The following LGALS1 variants were observed in gnomAD, a reference collection of about 807,000 sequenced individuals.
The protein encoded by LGALS1 is galectin-1.
Under a neutral mutation model 14.4 loss-of-function variants are expected in LGALS1, and 14 were observed. That is an observed-to-expected ratio of 0.97 (90% CI 0.64 to 1.52). The LOEUF (loss-of-function observed/expected upper bound fraction) is 1.52, where lower values mean the gene tolerates loss of function less well. Among genes scored for constraint, LGALS1 ranks in the 40% most tolerant of loss-of-function variants. The pLI is 0.00. For missense variants in LGALS1, 170 were observed against 181.4 expected, an observed-to-expected ratio of 0.94 and a Z score of 0.36; for synonymous variants, 71 against 73.4, an observed-to-expected ratio of 0.97 and a Z score of 0.17.
At position 37,678,566 on chromosome 22, in the gene LGALS1, C is replaced by A; in HGVS notation, c.173C>A (p.Thr58Asn). ...PRFNAHGDAN[T>N]IVCNSKDGGA... The stretch of plus-strand genomic sequence containing the variant: ...TTCAACGCCCACGGCGACGCCAACA[C>A]CATCGTGTGCAACAGCAAGGACGGC... The change falls in exon 3 of 4, where the codon ACC becomes AAC. Residue 58 changes from threonine to asparagine, a missense_variant. Transcript: ENST00000215909. The A allele has an allele frequency of 6.2e-7, 1 of 1,613,612 alleles. No homozygotes were observed. Among genetic ancestry groups the A allele is most frequent in the South Asian group, 1.1e-5 (1 of 91,088 alleles).
At chr22:37,678,241 T>G (rs1921505577) in intron 2 of LGALS1, 2 of 644,558 alleles carry the variant, frequency 3.1e-6, no homozygotes, top group Non-Finnish European at 2.9e-6. Context: ...CCAAACGGGC[T>G]AGGATGCTAA....
At chr22:37,678,294 G>A in intron 2 of LGALS1, 189 bp from the exon 3 acceptor site, 1 of 721,458 alleles carries the variant, frequency 1.4e-6, no homozygotes. Context: ...AGCCCCCATT[G>A]TACAGATGAG....
chr22:37,678,432 G>A, intron 2 of LGALS1, 51 bp from the exon 3 acceptor site: 2 of 1,604,406 alleles, frequency 1.2e-6, no homozygotes, highest in South Asian at 1.1e-5. Context: ...TAGTCGGTCA[G>A]TGGGGCTGGA....
At position 37,675,645 on chromosome 22, in the gene LGALS1, G is replaced by A. The variant is rs540407638; in HGVS notation, c.-58G>A. 3 of 1,545,140 alleles carry A rather than the reference G, an allele frequency of 1.9e-6. No homozygotes were observed. Among genetic ancestry groups the A allele is most frequent in the South Asian group, 1.2e-5 (1 of 83,648 alleles). On this transcript the variant is annotated 5_prime_UTR_variant, in exon 1 of 4. Transcript: ENST00000215909. ...GAGCGTCCGGGGGCCCATCTCTCTC[G>A]GGTGGAGTCTTCTGACAGCTGGTGC...
chr22:37,678,665 G>GACCGGA lies in LGALS1; in HGVS notation c.261+17_261+22dup. On this transcript the variant is annotated intron_variant, in intron 3 of 3. Transcript: ENST00000215909. ...GGAAGTGTTGCAGAGGTGGGCTGCA[G>GACCGGA]ACCGGAACCGGGGACCAGGGACAGG... 1 of 1,001,640 alleles carries GACCGGA rather than the reference G, an allele frequency of 1.0e-6. No individual in the cohort carries two copies. The highest frequency in any genetic ancestry group is 1.4e-6 in the Non-Finnish European group (1 of 710,022). The allele number at this position is 1,001,640 out of a possible 1,614,324, so 62.0% of individuals were successfully genotyped here.
chr22:37,677,176 A>G (rs1286776645), intron 2 of LGALS1, 111 bp downstream of exon 2: 1 of 1,058,092 alleles, frequency 9.5e-7, no homozygotes, highest in Non-Finnish European at 1.4e-6. Flanking sequence ...GTTAACGGCC[A>G]GCCGCCGATG....
chr22:37,677,318 T>G, intron 2 of LGALS1: 1 of 481,882 alleles, frequency 2.1e-6, no homozygotes, highest in Non-Finnish European at 3.8e-6. Context: ...TGTAATACCT[T>G]GACTCCCCCG....
At chr22:37,675,870 G>A (rs1343952801) in intron 1 of LGALS1, among the ~76,000 whole-genome samples, 159 bp downstream of exon 1, 1 of 152,342 alleles carries the variant, frequency 6.6e-6, no homozygotes, top group Middle Eastern at 3.4e-3. Context: ...CTGTAAAATG[G>A]GGGTGGGCGC....
intron 3 of LGALS1, among the ~76,000 whole-genome samples, chr22:37,679,211 C>T (rs1921547763): frequency 6.6e-6 from 1 of 151,020 alleles, no homozygotes; most frequent in South Asian, 2.1e-4. Flanking sequence ...GTGGGTGGAT[C>T]ACCTGAGGTC....
At position 37,678,538 on chromosome 22, in the gene LGALS1, C is replaced by G. The variant is rs370290813; in HGVS notation, c.145C>G (p.Arg49Gly). ...CAACCTGTGCCTGCACTTCAACCCT[C>G]GCTTCAACGCCCACGGCGACGCCAA... is the stretch of plus-strand genomic sequence containing the variant. ...SNNLCLHFNPRFNAHGDANTI... is the reference protein window; with the variant it reads ...SNNLCLHFNPGFNAHGDANTI... The change falls in exon 3 of 4, where the codon CGC (arginine) becomes GGC (glycine). Residue 49 changes from arginine (R) to glycine (G), a missense_variant. Transcript: ENST00000215909. 2 of 1,613,534 alleles carry G rather than the reference C, an allele frequency of 1.2e-6. No homozygotes were observed. Among genetic ancestry groups the G allele is most frequent in the Admixed American group, 1.7e-5 (1 of 60,008 alleles).
chr22:37,676,473 G>A (rs531809895), intron 1 of LGALS1, among the ~76,000 whole-genome samples: 4 of 152,300 alleles, frequency 2.6e-5, no homozygotes, highest in Admixed American at 6.5e-5. Flanking sequence ...TCTCCCTAAT[G>A]CAGAGAGGCC....
At chr22:37,677,449 A>C in intron 2 of LGALS1, 2 of 266,240 alleles carry the variant, frequency 7.5e-6, no homozygotes, top group Non-Finnish European at 1.5e-5. Flanking sequence ...TCATTCATTC[A>C]TTCACTGGCT....
rs1176314293 is a variant in LGALS1, at chr22:37,678,650, C to A, written c.257C>A (p.Ala86Glu). 7.3e-7 allele frequency: 1 copy of A among 1,376,514 alleles called. No homozygotes were observed. Among genetic ancestry groups the A allele is most frequent in the East Asian group, 3.9e-5 (1 of 25,834 alleles). The allele number at this position is 1,376,514 out of a possible 1,614,324, so 85.3% of individuals were successfully genotyped here. Residue 86 changes from alanine (A) to glutamate (E), a missense_variant, in exon 3 of 4, where the codon GCA (alanine) becomes GAA (glutamate). Coordinates refer to ENST00000215909, the MANE Select transcript of LGALS1 (RefSeq NM_002305.4). ...AVFPFQPGSV[A>E]EVCITFDQAN... ...TTTCCCTTCCAGCCTGGAAGTGTTG[C>A]AGAGGTGGGCTGCAGACCGGAACCG...
At chr22:37,677,361 T>G in intron 2 of LGALS1, 2 of 384,702 alleles carry the variant, frequency 5.2e-6, no homozygotes, top group East Asian at 5.6e-5. Flanking sequence ...GCGGGACCTG[T>G]CGCTGGGGAG....
intron 2 of LGALS1, chr22:37,677,299 C>G: frequency 1.8e-6 from 1 of 552,946 alleles, no homozygotes; most frequent in South Asian, 2.0e-5. Context: ...CAGCTGCAGC[C>G]TCGTCATCTG....
intron 2 of LGALS1, chr22:37,677,386 T>A: frequency 2.9e-6 from 1 of 346,594 alleles, no homozygotes; most frequent in Non-Finnish European, 5.5e-6. Context: ...GGGAGAGGAG[T>A]GGGGCGGGCG....
chr22:37,676,810 C>T, intron 1 of LGALS1, 176 bp from the exon 2 acceptor site: 1 of 719,088 alleles, frequency 1.4e-6, no homozygotes, highest in Admixed American at 2.0e-5. Flanking sequence ...CCCAGGACCA[C>T]ATAGACAATC....
chr22:37,678,542 T>G lies in LGALS1; in HGVS notation c.149T>G (p.Phe50Cys). 1 of 1,613,646 alleles carries G rather than the reference T, an allele frequency of 6.2e-7. No homozygotes were observed. The highest frequency in any genetic ancestry group is 1.1e-5 in the South Asian group (1 of 91,092). Residue 50 changes from phenylalanine to cysteine, a missense_variant, in exon 3 of 4, where the codon TTC (phenylalanine) becomes TGC (cysteine). By Grantham distance (205) the Phe-to-Cys change is radical. Transcript: ENST00000215909. Reference sequence around the variant, plus strand: ...CTGTGCCTGCACTTCAACCCTCGCTTCAACGCCCACGGCGACGCCAACACC... The same window carrying G: ...CTGTGCCTGCACTTCAACCCTCGCTGCAACGCCCACGGCGACGCCAACACC... ...NNLCLHFNPR[F>C]NAHGDANTIV... is the part of the protein sequence containing the mutation.
Position 37,678,327 on chromosome 22 carries a change from A to C in LGALS1, c.90-156A>C, listed in dbSNP as rs1461457933. The C allele has an allele frequency of 1.5e-5, 12 of 785,498 alleles. No homozygotes were observed. In the Admixed American group the frequency reaches 2.4e-4, roughly 16 times the overall value. The allele number at this position is 785,498 out of a possible 1,614,324, so 48.7% of individuals were successfully genotyped here. On this transcript the variant is annotated intron_variant, in intron 2 of 3. Coordinates refer to ENST00000215909, the MANE Select transcript of LGALS1 (RefSeq NM_002305.4). Reference sequence around the variant, plus strand: ...GAGCAAACAGGGGAAGAGGGGCAGGAGCAGGTGGCATGGCCAGAGCTAGAA... The same window carrying C: ...GAGCAAACAGGGGAAGAGGGGCAGGCGCAGGTGGCATGGCCAGAGCTAGAA...
Sources: gnomAD v4.1 joint callset for allele counts (sites outside exome capture counted in the v4.1 genomes callset) on GRCh38, gnomAD v4.1.1 for gene constraint, MANE v1.5 for transcripts, NCBI Gene and HGNC (gene_info 2026-07-23, HGNC 2026-07-21) for gene names.